The following NELL1 variants were observed in gnomAD, a reference collection of about 807,000 sequenced individuals.
NELL1 encodes the protein protein kinase C-binding protein NELL1.
Under a neutral mutation model 107.4 loss-of-function variants are expected in NELL1, and 76 were observed. The observed-to-expected ratio is 0.71, with a 90% confidence interval of 0.59 to 0.86. The LOEUF (loss-of-function observed/expected upper bound fraction) is 0.86, where lower values mean the gene tolerates loss of function less well. NELL1 is among the 40% of genes least tolerant of loss of function. The pLI, the probability that NELL1 is intolerant of heterozygous loss-of-function variation, is 0.00. For synonymous variants in NELL1, 353 were observed against 341.2 expected (o/e 1.03, Z -0.38); for missense variants, 1,024 against 1,005.5 (o/e 1.02, Z -0.25).
chr11:21,189,022 A>G (rs1856993827), intron 13 of NELL1, among the ~76,000 whole-genome samples: 1 of 151,850 alleles, frequency 6.6e-6, no homozygotes, highest in African/African-American at 2.4e-5. Context: ...TTTAAAACCA[A>G]TTTGTATAGT....
At chr11:21,371,332 C>T (rs1851354574) in intron 15 of NELL1, among the ~76,000 whole-genome samples, 2 of 152,078 alleles carry the variant, frequency 1.3e-5, no homozygotes, top group African/African-American at 4.8e-5. Flanking sequence ...TCTAAATTAG[C>T]AGCACATGCT....
intron 14 of NELL1, among the ~76,000 whole-genome samples, chr11:21,313,768 GA>G (rs1356821946): frequency 6.6e-6 from 1 of 152,044 alleles, no homozygotes; most frequent in Non-Finnish European, 1.5e-5. Context: ...TCACTCCTGT[GA>G]TAACCCATTA....
chr11:20,817,218 C>T (rs1857641811), intron 3 of NELL1, among the ~76,000 whole-genome samples: 1 of 152,012 alleles, frequency 6.6e-6, no homozygotes. Flanking sequence ...GAATTGGTAC[C>T]AACTCTTCTT....
At chr11:21,394,804 T>TA (rs2133788458) in intron 15 of NELL1, among the ~76,000 whole-genome samples, 1 of 151,704 alleles carries the variant, frequency 6.6e-6, no homozygotes, top group African/African-American at 2.4e-5. Flanking sequence ...AGTTAACACT[T>TA]ATGCATGCTA....
At chr11:21,526,811 A>G (rs993636950) in intron 15 of NELL1, among the ~76,000 whole-genome samples, 1 of 152,186 alleles carries the variant, frequency 6.6e-6, no homozygotes, top group Non-Finnish European at 1.5e-5. Flanking sequence ...GAAGCTGCAC[A>G]CAGCAGAGGG....
chr11:21,307,194 A>G (rs972909322), intron 14 of NELL1, among the ~76,000 whole-genome samples: 2 of 152,072 alleles, frequency 1.3e-5, no homozygotes, highest in East Asian at 3.9e-4. Flanking sequence ...GGCTGTCAAC[A>G]TCGACAGCTC....
At chr11:21,029,326 C>A (rs1234252492) in intron 12 of NELL1, among the ~76,000 whole-genome samples, 1 of 152,150 alleles carries the variant, frequency 6.6e-6, no homozygotes, top group African/African-American at 2.4e-5. Flanking sequence ...CGTCACATTA[C>A]AACGTCTATA....
At chr11:20,857,266 T>G (rs769560601) in intron 4 of NELL1, among the ~76,000 whole-genome samples, 31 of 152,030 alleles carry the variant, frequency 2.0e-4, no homozygotes, top group Middle Eastern at 3.4e-3. Flanking sequence ...GAGCTGCTGA[T>G]GAGAGAGTCG....
At chr11:20,903,831 A>G (rs750582080) in intron 5 of NELL1, among the ~76,000 whole-genome samples, 5 of 152,160 alleles carry the variant, frequency 3.3e-5, no homozygotes, top group Admixed American at 1.3e-4. Context: ...GGAACTTAGG[A>G]AAATAGTCAG....
intron 14 of NELL1, among the ~76,000 whole-genome samples, chr11:21,265,255 C>G (rs1848613418): frequency 6.6e-6 from 1 of 152,014 alleles, no homozygotes; most frequent in Admixed American, 6.6e-5. Flanking sequence ...CTCCTTAATA[C>G]TTTCTTTGCA....
chr11:21,253,643 C>T (rs1346502991), intron 14 of NELL1, among the ~76,000 whole-genome samples: 1 of 152,044 alleles, frequency 6.6e-6, no homozygotes, highest in African/African-American at 2.4e-5. Context: ...TGGGAGTGAG[C>T]TATTACTGGT....
At chr11:20,796,852 CAG>C (rs547547683) in intron 3 of NELL1, among the ~76,000 whole-genome samples, 54 of 152,196 alleles carry the variant, frequency 3.5e-4, no homozygotes, top group Non-Finnish European at 5.6e-4. Context: ...CAAAAGGAGT[CAG>C]AAATTCTTTC....
intron 14 of NELL1, among the ~76,000 whole-genome samples, chr11:21,274,166 T>G (rs981831038): frequency 2.6e-5 from 4 of 152,166 alleles, no homozygotes; most frequent in Non-Finnish European, 5.9e-5. Context: ...CCATCTCACG[T>G]GCAGAGACAC....
chr11:21,063,748 T>C (rs1241285505), intron 12 of NELL1, among the ~76,000 whole-genome samples: 2 of 152,248 alleles, frequency 1.3e-5, no homozygotes, highest in Non-Finnish European at 2.9e-5. Context: ...CGCATTTTTC[T>C]AGACACTTCA....
chr11:20,902,736 G>A (rs528036922), intron 5 of NELL1, among the ~76,000 whole-genome samples: 3 of 152,046 alleles, frequency 2.0e-5, no homozygotes, highest in Non-Finnish European at 2.9e-5. Flanking sequence ...CCATCAATAG[G>A]AGAATGTTTA....
At chr11:21,529,355 T>C (rs1855938783) in intron 15 of NELL1, among the ~76,000 whole-genome samples, 1 of 152,158 alleles carries the variant, frequency 6.6e-6, no homozygotes, top group African/African-American at 2.4e-5. Flanking sequence ...AAAGGAAGCA[T>C]GCTCCAGGCA....
At chr11:21,169,808 A>T (rs976683907) in intron 13 of NELL1, 1 of 1,393,718 alleles carries the variant, frequency 7.2e-7, no homozygotes, top group Admixed American at 1.8e-5. Flanking sequence ...AGTGGGACAG[A>T]ATCAGCCTGC....
intron 12 of NELL1, among the ~76,000 whole-genome samples, chr11:21,040,103 T>C (rs1463057128): frequency 6.6e-6 from 1 of 151,526 alleles, no homozygotes; most frequent in Non-Finnish European, 1.5e-5. Context: ...TTTCCCGGCT[T>C]TTTTTTTCTT....
chr11:21,041,101 G>A (rs761560184), intron 12 of NELL1, among the ~76,000 whole-genome samples: 2 of 152,096 alleles, frequency 1.3e-5, no homozygotes, highest in African/African-American at 4.8e-5. Context: ...AAAGAATTTA[G>A]AGAATGATTC....
Sources: gnomAD v4.1 joint callset for allele counts (sites outside exome capture counted in the v4.1 genomes callset) on GRCh38, gnomAD v4.1.1 for gene constraint, MANE v1.5 for transcripts, NCBI Gene and HGNC (gene_info 2026-07-23, HGNC 2026-07-21) for gene names.